The following DAB1 variants were observed in gnomAD, a reference collection of about 807,000 sequenced individuals.
DAB1 encodes DAB adaptor protein 1, also known as disabled homolog 1.
DAB1 carries 15 observed loss-of-function variants against 64.6 expected under a neutral mutation model. The observed-to-expected ratio is 0.23, with a 90% CI of 0.16 to 0.36. The LOEUF (loss-of-function observed/expected upper bound fraction) is 0.36. Ranked by LOEUF, DAB1 falls within the 10% of genes least tolerant of loss-of-function variation. The pLI is 1.00. For missense variants in DAB1, 596 were observed against 706.7 expected, an observed-to-expected ratio of 0.84 and a Z score of 1.78; for synonymous variants, 235 against 251.9, an observed-to-expected ratio of 0.93 and a Z score of 0.64.
chr1:58,428,549 T>C (rs1162210111), intron 3 of DAB1, among the ~76,000 whole-genome samples: 1 of 152,252 alleles, frequency 6.6e-6, no homozygotes, highest in Non-Finnish European at 1.5e-5. Context: ...ATTCAAACCA[T>C]ACCACTGACT....
At chr1:57,947,147 G>T (rs1240053866) in intron 5 of DAB1, among the ~76,000 whole-genome samples, 1 of 152,020 alleles carries the variant, frequency 6.6e-6, no homozygotes, top group East Asian at 1.9e-4. Context: ...AGGAAACGAG[G>T]GCATAAAAAG....
chr1:57,221,703 A>G (rs1666888658), intron 2 of DAB1, among the ~76,000 whole-genome samples: 1 of 152,040 alleles, frequency 6.6e-6, no homozygotes, highest in Non-Finnish European at 1.5e-5. Context: ...CACTCTCCCT[A>G]CTTTGGCCTT....
chr1:57,805,647 C>A (rs1651326318), intron 6 of DAB1, among the ~76,000 whole-genome samples: 1 of 152,130 alleles, frequency 6.6e-6, no homozygotes, highest in South Asian at 2.1e-4. Flanking sequence ...TATAGACTTG[C>A]ACATCTAGGT....
intron 9 of DAB1, among the ~76,000 whole-genome samples, chr1:57,032,123 G>A (rs940681767): frequency 2.0e-5 from 3 of 152,044 alleles, no homozygotes; most frequent in Non-Finnish European, 2.9e-5. Context: ...TAGACCCCTA[G>A]GCCTTTCCCA....
chr1:57,430,246 T>C (rs980146952), intron 7 of DAB1, among the ~76,000 whole-genome samples: 2 of 152,212 alleles, frequency 1.3e-5, no homozygotes, highest in African/African-American at 2.4e-5. Flanking sequence ...TGTGATGATA[T>C]TGTAAGTGGA....
At chr1:57,553,415 A>AAAG (rs1644941262) in intron 7 of DAB1, among the ~76,000 whole-genome samples, 1 of 13,980 alleles carries the variant, frequency 7.2e-5, no homozygotes, top group Admixed American at 6.1e-4. Context: ...AGAAAGAAAG[A>AAAG]AAGAAAGAAA....
intron 3 of DAB1, among the ~76,000 whole-genome samples, chr1:58,449,993 A>T (rs955306150): frequency 7.2e-5 from 11 of 152,250 alleles, no homozygotes; most frequent in African/African-American, 2.4e-4. Context: ...ATAATAATGC[A>T]TAAAAGAATG....
At chr1:57,388,868 G>T (rs893748532) in intron 1 of DAB1, among the ~76,000 whole-genome samples, 2 of 152,096 alleles carry the variant, frequency 1.3e-5, no homozygotes, top group African/African-American at 4.8e-5. Flanking sequence ...TCCTCCTCTT[G>T]CTCACTCTGA....
chr1:57,968,102 A>ATG (rs1489758110), intron 5 of DAB1, among the ~76,000 whole-genome samples: 5 of 151,196 alleles, frequency 3.3e-5, no homozygotes, highest in South Asian at 2.1e-4. Context: ...GAGTGTGTGG[A>ATG]TGTGTGTGTG....
chr1:58,538,659 CAG>C, intron 1 of DAB1: 1 of 498,480 alleles, frequency 2.0e-6, no homozygotes, highest in Non-Finnish European at 3.5e-6. Context: ...TGGGGGGAGA[CAG>C]GGGATCTGGC....
At chr1:57,297,408 G>A (rs1673288368) in intron 1 of DAB1, among the ~76,000 whole-genome samples, 1 of 151,972 alleles carries the variant, frequency 6.6e-6, no homozygotes, top group African/African-American at 2.4e-5. Flanking sequence ...CTGTTTTTAG[G>A]AAACACACTA....
chr1:57,945,002 T>C (rs181367325), intron 5 of DAB1, among the ~76,000 whole-genome samples: 3 of 152,318 alleles, frequency 2.0e-5, no homozygotes, highest in East Asian at 3.9e-4. Context: ...AAAGGTCTTA[T>C]AGGTACTTGC....
chr1:57,709,328 T>A (rs1647000941), intron 6 of DAB1, among the ~76,000 whole-genome samples: 1 of 152,228 alleles, frequency 6.6e-6, no homozygotes. Context: ...AAATTCCATT[T>A]GGTAATTTCA....
chr1:57,956,535 C>A (rs181974259), intron 5 of DAB1, among the ~76,000 whole-genome samples: 97 of 152,296 alleles, frequency 6.4e-4, no homozygotes, highest in Admixed American at 8.5e-4. Context: ...ACAGGTCAGC[C>A]TCCTGGGGCA....
chr1:57,297,370 T>G (rs1223194367), intron 1 of DAB1, among the ~76,000 whole-genome samples: 2 of 152,140 alleles, frequency 1.3e-5, no homozygotes, highest in Non-Finnish European at 2.9e-5. Flanking sequence ...ACTTGAAAAC[T>G]TTCCTGTGAT....
intron 5 of DAB1, among the ~76,000 whole-genome samples, chr1:58,138,144 T>G (rs1387857127): frequency 2.6e-5 from 4 of 152,224 alleles, no homozygotes; most frequent in Non-Finnish European, 5.9e-5. Context: ...ATTTTCATGT[T>G]TTTCATTTAA....
chr1:57,124,800 G>C (rs573317788), intron 4 of DAB1, among the ~76,000 whole-genome samples: 322 of 152,250 alleles, frequency 2.1e-3, no homozygotes, highest in Middle Eastern at 6.8e-3. Context: ...TAATACAGAA[G>C]CTGCCTAGGG....
intron 9 of DAB1, among the ~76,000 whole-genome samples, chr1:57,059,787 C>A (rs568271069): frequency 6.6e-6 from 1 of 152,078 alleles, no homozygotes; most frequent in Non-Finnish European, 1.5e-5. Flanking sequence ...GGAAATATAT[C>A]GAAATTCTCA....
intron 1 of DAB1, among the ~76,000 whole-genome samples, chr1:57,421,246 A>T (rs1396119469): frequency 1.3e-5 from 2 of 152,218 alleles, no homozygotes; most frequent in Non-Finnish European, 2.9e-5. Flanking sequence ...GCAGCCTCAC[A>T]CAATGGTGTG....
Sources: gnomAD v4.1 joint callset for allele counts (sites outside exome capture counted in the v4.1 genomes callset) on GRCh38, gnomAD v4.1.1 for gene constraint, MANE v1.5 for transcripts, NCBI Gene and HGNC (gene_info 2026-07-23, HGNC 2026-07-21) for gene names.